The following CSNK2A2 variants were observed in gnomAD, a reference collection of about 807,000 sequenced individuals.
CSNK2A2 encodes the protein casein kinase 2 alpha 2.
CSNK2A2 carries 8 observed loss-of-function variants against 54.0 expected under a neutral mutation model. That is an observed-to-expected ratio of 0.15 (90% CI 0.09 to 0.27). The LOEUF (loss-of-function observed/expected upper bound fraction) is 0.27, where lower values mean the gene tolerates loss of function less well. Among genes scored for constraint, CSNK2A2 ranks in the 10% least tolerant of loss-of-function variants. The pLI, the probability that CSNK2A2 is intolerant of heterozygous loss-of-function variation, is 1.00. For synonymous variants in CSNK2A2, 141 were observed against 153.9 expected, an observed-to-expected ratio of 0.92 and a Z score of 0.62; for missense variants, 242 against 439.4, an observed-to-expected ratio of 0.55 and a Z score of 4.02.
chr16:58,188,033 G>A (rs958781232), intron 2 of CSNK2A2, among the ~76,000 whole-genome samples: 7 of 151,826 alleles, frequency 4.6e-5, no homozygotes, highest in African/African-American at 1.7e-4. Flanking sequence ...TTGCCTGTGT[G>A]TGGGGTGGGG....
rs952062216 is a variant in CSNK2A2, at chr16:58,197,073, G to A, written c.105-229C>T. The A allele has an allele frequency of 9.8e-6, 5 of 508,374 alleles. No individual in the cohort carries two copies. Among genetic ancestry groups the A allele is most frequent in the African/African-American group, 5.8e-5 (3 of 51,868 alleles). The allele number at this position is 508,374 out of a possible 1,614,324, so 31.5% of individuals were successfully genotyped here. On this transcript the variant is annotated intron_variant, in intron 1 of 11. Coordinates refer to ENST00000262506, the MANE Select transcript of CSNK2A2 (RefSeq NM_001896.4). This position sits in a 1 kb window ranked among gnomAD's most constrained non-coding sequence, Gnocchi z 4.0. ...CTAACTTGGGAAGATGGGGCAGGAA[G>A]GCAACGCTCTGAGCCAATCCAGAGG...
At chr16:58,160,482 T>C (rs1250900406) in intron 11 of CSNK2A2, 2 of 152,238 alleles carry the variant, frequency 1.3e-5, no homozygotes, top group Non-Finnish European at 2.9e-5. Context: ...TGCTTGTGTC[T>C]CAAAGTAGTT....
intron 5 of CSNK2A2, among the ~76,000 whole-genome samples, 167 bp from the exon 6 acceptor site, chr16:58,168,860 GCTCT>G (rs937117278): frequency 6.6e-6 from 1 of 152,118 alleles, no homozygotes; most frequent in African/African-American, 2.4e-5. Context: ...GGCACCCCTT[GCTCT>G]CTCTGCACAC....
chr16:58,197,452 A>T lies in CSNK2A2; in HGVS notation c.104+181T>A. 6.6e-6 allele frequency among the ~76,000 whole-genome samples: 1 copy of T among 152,158 alleles called. No individual in the cohort carries two copies. ...GCGCAAAGCGGGGAGAAAGGGACGA[A>T]ACGGGGGTAAAGGGGAGGGAAGAGG... On this transcript the variant is annotated intron_variant, in intron 1 of 11. Coordinates refer to ENST00000262506, the MANE Select transcript of CSNK2A2 (RefSeq NM_001896.4). This position sits in a 1 kb window ranked among gnomAD's most constrained non-coding sequence, Gnocchi z 4.0.
In CSNK2A2 at chr16:58,198,076, C is replaced by A. The variant is rs1019814893; in HGVS notation, c.-340G>T. Reference sequence around the variant, plus strand: ...CAGCCACCGGCCGGGAAAGGGGCAGCGGCGGCGGCAGCGGAGAAGAAGGAG... The same window carrying A: ...CAGCCACCGGCCGGGAAAGGGGCAGAGGCGGCGGCAGCGGAGAAGAAGGAG... On this transcript the variant is annotated 5_prime_UTR_variant, in exon 1 of 12. Coordinates refer to ENST00000262506, the MANE Select transcript of CSNK2A2 (RefSeq NM_001896.4). Among the ~76,000 whole-genome samples the A allele has an allele frequency of 6.9e-6, 1 of 145,592 alleles. No homozygotes were observed. Among genetic ancestry groups the A allele is most frequent in the Non-Finnish European group, 1.5e-5 (1 of 65,506 alleles).
rs1433940583 is a variant in CSNK2A2, at chr16:58,174,508, T to C, written c.372A>G (p.Gln124=). 1.2e-6 allele frequency: 2 copies of C among 1,611,946 alleles called. 1 individual carries two copies. Among genetic ancestry groups the C allele is most frequent in the Middle Eastern group, 3.3e-4 (2 of 6,050 alleles). ...CAAAGTCTGTCAGGATCTGGTAGAG[T>C]TGCTGAAACAGATTCCAGAAAACAG... The part of the protein sequence containing the change: ...FEYINNTDFK[Q]LYQILTDFDI... The change falls in exon 5 of 12, where the codon CAA becomes CAG. Residue 124 remains glutamine (Q), a splice_region_variant and synonymous_variant. Coordinates refer to ENST00000262506, the MANE Select transcript of CSNK2A2 (RefSeq NM_001896.4).
Position 58,167,707 on chromosome 16 carries a change from G to T in CSNK2A2, c.602C>A (p.Pro201Gln). 1 of 1,613,658 alleles carries T rather than the reference G, an allele frequency of 6.2e-7. No individual in the cohort carries two copies. Among genetic ancestry groups the T allele is most frequent in the Non-Finnish European group, 8.5e-7 (1 of 1,179,606 alleles). The change falls in exon 7 of 12, where the codon CCA becomes CAA. Residue 201 changes from proline to glutamine, a missense_variant. Physicochemically the swap from Pro to Gln is moderately conservative, Grantham distance 76. This residue lies in a region of CSNK2A2 where 40 missense variants were observed against 128.7 expected (regional missense o/e 0.31). Coordinates refer to ENST00000262506, the MANE Select transcript of CSNK2A2 (RefSeq NM_001896.4). ...TACCTGATAGTCCACGAGGAGCTCT[G>T]GTCCCTTGAAGTACCTTGAGGCTAC... ...VRVASRYFKGPELLVDYQMYD... is the reference protein window; with the variant it reads ...VRVASRYFKGQELLVDYQMYD...
rs1371378882 is a variant in CSNK2A2, at chr16:58,198,101, G to A, written c.-365C>T. On this transcript the variant is annotated 5_prime_UTR_variant, in exon 1 of 12. Transcript: ENST00000262506. Reference sequence around the variant, plus strand: ...CGGCGGCGGCAGCGGAGAAGAAGGAGGAGAGGAGGAGGAGGCGGAGGAAAC... The same window carrying A: ...CGGCGGCGGCAGCGGAGAAGAAGGAAGAGAGGAGGAGGAGGCGGAGGAAAC... Among the ~76,000 whole-genome samples the A allele has an allele frequency of 1.4e-5, 2 of 146,794 alleles. No individual in the cohort carries two copies. The highest frequency in any genetic ancestry group is 3.0e-5 in the Non-Finnish European group (2 of 65,930).
chr16:58,178,232 CTT>C (rs964289951), intron 4 of CSNK2A2, among the ~76,000 whole-genome samples: 5 of 142,124 alleles, frequency 3.5e-5, no homozygotes, highest in Non-Finnish European at 3.1e-5. Context: ...TTATCGAAAT[CTT>C]TTTTTTTTTT....
At chr16:58,177,628 T>TTA (rs1961916629) in intron 4 of CSNK2A2, among the ~76,000 whole-genome samples, 1 of 152,164 alleles carries the variant, frequency 6.6e-6, no homozygotes, top group Non-Finnish European at 1.5e-5. Context: ...ATTCACACTT[T>TTA]TATAAGACAG....
chr16:58,159,957 A>G (rs1961282985), intron 11 of CSNK2A2: 1 of 152,216 alleles, frequency 6.6e-6, no homozygotes, highest in Non-Finnish European at 1.5e-5. Flanking sequence ...AGGGTTAAGT[A>G]TCACATTTGT....
chr16:58,192,411 A>G (rs537667004), intron 2 of CSNK2A2, among the ~76,000 whole-genome samples: 1 of 152,172 alleles, frequency 6.6e-6, no homozygotes, highest in East Asian at 1.9e-4. Flanking sequence ...AAATCTGCCA[A>G]GTGATCATGC....
At position 58,197,631 on chromosome 16, in the gene CSNK2A2, A is replaced by G; in HGVS notation, c.104+2T>C. The G allele has an allele frequency of 6.4e-7, 1 of 1,555,720 alleles. No homozygotes were observed. Among genetic ancestry groups the G allele is most frequent in the Admixed American group, 1.8e-5 (1 of 55,148 alleles). The stretch of plus-strand genomic sequence containing the variant: ...CCCGGCGGGGGGCGGCGACGGCTTT[A>G]CCCCCAGCTCGGGACGTGAGCCTCG... On this transcript the variant is annotated splice_donor_variant, in intron 1 of 11. Coordinates refer to ENST00000262506, the MANE Select transcript of CSNK2A2 (RefSeq NM_001896.4). LOFTEE classifies it high-confidence loss of function. This position sits in a 1 kb window ranked among gnomAD's most constrained non-coding sequence, Gnocchi z 4.0.
At chr16:58,192,210 A>G (rs1300979294) in intron 2 of CSNK2A2, among the ~76,000 whole-genome samples, 1 of 152,180 alleles carries the variant, frequency 6.6e-6, no homozygotes, top group Non-Finnish European at 1.5e-5. Context: ...CCTCTCATTT[A>G]CAGCACTTCC....
chr16:58,174,315 C>T, intron 5 of CSNK2A2, 136 bp downstream of exon 5: 1 of 616,576 alleles, frequency 1.6e-6, no homozygotes, highest in South Asian at 2.4e-5. Context: ...ATGGAGGCCT[C>T]AATATAAGTT....
intron 2 of CSNK2A2, among the ~76,000 whole-genome samples, chr16:58,189,290 A>C (rs1427209192): frequency 1.3e-5 from 2 of 152,156 alleles, no homozygotes; most frequent in Non-Finnish European, 2.9e-5. Flanking sequence ...AATTCAGCCA[A>C]TGCTACCAGT....
At chr16:58,176,721 C>G (rs1961888648) in intron 4 of CSNK2A2, among the ~76,000 whole-genome samples, 1 of 152,208 alleles carries the variant, frequency 6.6e-6, no homozygotes, top group South Asian at 2.1e-4. Flanking sequence ...TGTCTGCTTT[C>G]TACAGAGCTG....
chr16:58,174,022 T>G (rs1450920862), intron 5 of CSNK2A2: 1 of 153,370 alleles, frequency 6.5e-6, no homozygotes. Flanking sequence ...GGTCCTAGAT[T>G]GTGAATGAGG....
At position 58,163,993 on chromosome 16, in the gene CSNK2A2, T is replaced by C; in HGVS notation, c.*17+61A>G. 4 of 1,299,878 alleles carry C rather than the reference T, an allele frequency of 3.1e-6. No homozygotes were observed. The East Asian group carries it at 7.1e-5, about 23-fold the overall frequency. The allele number at this position is 1,299,878 out of a possible 1,614,324, so 80.5% of individuals were successfully genotyped here. On this transcript the variant is annotated intron_variant, in intron 11 of 11. Coordinates refer to ENST00000262506, the MANE Select transcript of CSNK2A2 (RefSeq NM_001896.4). ...GAATTTCTTTTTATCACACTGTAGT[T>C]TTCCTTCAAGGTTTGTGTTTGGTTG...
Sources: gnomAD v4.1 joint callset for allele counts (sites outside exome capture counted in the v4.1 genomes callset) on GRCh38, gnomAD v4.1.1 for gene constraint, gnomAD v4.1.1 regional missense constraint, Gnocchi (gnomAD v3.1) non-coding constraint, MANE v1.5 for transcripts, NCBI Gene and HGNC (gene_info 2026-07-23, HGNC 2026-07-21) for gene names.